Variants in ATP10A observed in about 807,000 individuals in gnomAD.
ATP10A encodes the protein ATPase phospholipid transporting 10A (putative), also known as phospholipid-transporting ATPase VA.
In ATP10A, 111 loss-of-function variants were observed where a neutral mutation model predicts 147.8. That is an observed-to-expected ratio of 0.75 (90% CI 0.64 to 0.88). The LOEUF is 0.88. Among genes scored for constraint, ATP10A ranks in the 40% least tolerant of loss-of-function variants. The pLI, the probability that ATP10A is intolerant of heterozygous loss-of-function variation, is 0.00. For missense variants in ATP10A, 1,927 were observed against 1,959.0 expected (o/e 0.98, Z 0.31); for synonymous variants, 875 against 841.6 (o/e 1.04, Z -0.69).
At chr15:25,706,666 G>A (rs1460515451) in intron 12 of ATP10A, among the ~76,000 whole-genome samples, 1 of 152,220 alleles carries the variant, frequency 6.6e-6, no homozygotes, top group Non-Finnish European at 1.5e-5. Flanking sequence ...TGTGGAAAAG[G>A]GAGGAGATTC....
chr15:25,812,030 G>A (rs1034449656), intron 1 of ATP10A, among the ~76,000 whole-genome samples: 1 of 152,168 alleles, frequency 6.6e-6, no homozygotes, highest in Non-Finnish European at 1.5e-5. Context: ...CACGCTCCCC[G>A]TTCCACCCTA....
intron 2 of ATP10A, among the ~76,000 whole-genome samples, chr15:25,765,505 A>C (rs1428499784): frequency 1.3e-5 from 2 of 151,916 alleles, no homozygotes; most frequent in African/African-American, 4.8e-5. Flanking sequence ...TAGAGCCTCT[A>C]ATGATATCAC....
chr15:25,707,633 G>T (rs1263758744), intron 12 of ATP10A, among the ~76,000 whole-genome samples: 1 of 143,926 alleles, frequency 6.9e-6, no homozygotes, highest in Admixed American at 7.1e-5. Context: ...CAGTTTCTGG[G>T]TCCCAAAAGT....
intron 14 of ATP10A, among the ~76,000 whole-genome samples, chr15:25,693,251 G>A (rs1377539765): frequency 1.3e-5 from 2 of 152,086 alleles, no homozygotes; most frequent in African/African-American, 2.4e-5. Context: ...TCAAACTCCC[G>A]GGCTCAAGTG....
Position 25,714,020 on chromosome 15 carries a change from G to A in ATP10A, c.1998C>T (p.Ala666=), listed in dbSNP as rs997373467. 1.2e-6 allele frequency: 2 copies of A among 1,610,542 alleles called. No homozygotes were observed. The highest frequency in any genetic ancestry group is 1.3e-5 in the African/African-American group (1 of 74,946). ...ERLGQPTSAI[A]SNGYSSQADN... ...CCGCCTGGCTGCTGTAGCCGTTGCT[G>A]GCGATGGCCGAGGTGGGCTGGCCCA... Residue 666 remains alanine, a synonymous_variant, in exon 10 of 21, where the codon GCC becomes GCT. Coordinates refer to ENST00000555815, the MANE Select transcript of ATP10A (RefSeq NM_024490.4).
intron 1 of ATP10A, among the ~76,000 whole-genome samples, chr15:25,835,971 G>A (rs190740618): frequency 5.3e-5 from 8 of 152,244 alleles, no homozygotes; most frequent in Non-Finnish European, 1.0e-4. Flanking sequence ...CTGCCACCAC[G>A]GCCGGCTAAT....
At chr15:25,672,303 T>TA (rs1899060991), downstream of ATP10A, among the ~76,000 whole-genome samples, 1 of 152,222 alleles carries the variant, frequency 6.6e-6, no homozygotes, top group Admixed American at 6.5e-5. Context: ...ATCTGTGTTG[T>TA]ACATGTGTTA....
intron 6 of ATP10A, among the ~76,000 whole-genome samples, chr15:25,722,577 ACG>A (rs1330893216): frequency 1.3e-5 from 2 of 152,220 alleles, no homozygotes; most frequent in Non-Finnish European, 2.9e-5. Flanking sequence ...TCAGAATATC[ACG>A]CACAGACTAA....
chr15:25,773,788 ACACT>A (rs1226410446), intron 2 of ATP10A, among the ~76,000 whole-genome samples: 3 of 150,776 alleles, frequency 2.0e-5, no homozygotes, highest in African/African-American at 7.3e-5. Context: ...GTCTGCATAC[ACACT>A]CACACAAACA....
chr15:25,753,574 C>T (rs1888263710), intron 2 of ATP10A, among the ~76,000 whole-genome samples: 1 of 150,796 alleles, frequency 6.6e-6, no homozygotes, highest in Non-Finnish European at 1.5e-5. Context: ...ACAAGTCACT[C>T]TTAAGGGCTG....
Position 25,695,005 on chromosome 15 carries a change from G to A in ATP10A, c.2902C>T (p.Arg968Cys), listed in dbSNP as rs750129584. 6.8e-6 allele frequency: 11 copies of A among 1,614,066 alleles called. No individual in the cohort carries two copies. The highest frequency in any genetic ancestry group is 1.7e-5 in the Admixed American group (1 of 60,010). The change falls in exon 14 of 21, where the codon CGC (arginine) becomes TGC (cysteine). Residue 968 changes from arginine (R) to cysteine (C), a missense_variant. Transcript: ENST00000555815. ...CPPSTSTASG[R>C]RPSLVIDGRS... Reference sequence around the variant, plus strand: ...CCATCGATCACGAGGCTGGGTCTGCGGCCAGAGGCAGTGGACGTGGAGGGT... The same window carrying A: ...CCATCGATCACGAGGCTGGGTCTGCAGCCAGAGGCAGTGGACGTGGAGGGT...
chr15:25,739,190 C>T (rs370559316), intron 2 of ATP10A, among the ~76,000 whole-genome samples: 1 of 152,244 alleles, frequency 6.6e-6, no homozygotes, highest in Non-Finnish European at 1.5e-5. Flanking sequence ...CTGCCTCAAC[C>T]TCCCAAGTAG....
intron 3 of ATP10A, among the ~76,000 whole-genome samples, chr15:25,732,559 T>TACATGCGACACC (rs1491258596): frequency 1.3e-3 from 10 of 7,596 alleles, no homozygotes; most frequent in Non-Finnish European, 2.8e-3. Flanking sequence ...CGACACCTTC[T>TACATGCGACACC]TTTTTTTTTT....
chr15:25,765,751 T>C (rs1037535676), intron 2 of ATP10A, among the ~76,000 whole-genome samples: 1 of 152,232 alleles, frequency 6.6e-6, no homozygotes, highest in Non-Finnish European at 1.5e-5. Flanking sequence ...GATCAAGTTC[T>C]TCTCACAGAG....
At chr15:25,785,534 C>T (rs112431199) in intron 1 of ATP10A, among the ~76,000 whole-genome samples, 120 of 152,300 alleles carry the variant, frequency 7.9e-4, no homozygotes, top group Non-Finnish European at 1.4e-3. Flanking sequence ...GTGACTCTGG[C>T]TGGAAGGAGC....
At chr15:25,702,339 C>T (rs1301498876) in intron 12 of ATP10A, among the ~76,000 whole-genome samples, 2 of 152,200 alleles carry the variant, frequency 1.3e-5, no homozygotes, top group Non-Finnish European at 2.9e-5. Flanking sequence ...GTGACTCAGT[C>T]GAGTGCGTAG....
intron 8 of ATP10A, 120 bp downstream of exon 8, chr15:25,718,062 C>A: frequency 9.0e-7 from 1 of 1,113,398 alleles, no homozygotes; most frequent in South Asian, 1.5e-5. Flanking sequence ...CTGAGTAGAG[C>A]CAAGCCGCCC....
At chr15:25,690,066 C>T (rs1596688220) in intron 15 of ATP10A, among the ~76,000 whole-genome samples, 3 of 152,304 alleles carry the variant, frequency 2.0e-5, no homozygotes. Context: ...CCCGAACAGT[C>T]GAAAATCCAC....
At chr15:25,721,983 A>G in intron 6 of ATP10A, 74 bp from the exon 7 acceptor site, 1 of 1,479,482 alleles carries the variant, frequency 6.8e-7, no homozygotes, top group Non-Finnish European at 9.2e-7. Flanking sequence ...AATCTATTTA[A>G]ATAACAAATG....
Sources: gnomAD v4.1 joint callset for allele counts (sites outside exome capture counted in the v4.1 genomes callset) on GRCh38, gnomAD v4.1.1 for gene constraint, MANE v1.5 for transcripts, NCBI Gene and HGNC (gene_info 2026-07-23, HGNC 2026-07-21) for gene names.